The following RBFOX1 variants were observed in gnomAD, a reference collection of about 807,000 sequenced individuals.
The protein encoded by RBFOX1 is RNA binding protein fox-1 homolog 1.
A neutral mutation model predicts 57.7 loss-of-function variants in RBFOX1; 8 were observed. The observed-to-expected ratio is 0.14, with a 90% confidence interval of 0.08 to 0.25. RBFOX1 has a LOEUF of 0.25. RBFOX1 is among the 10% of genes least tolerant of loss of function. The probability of loss-of-function intolerance (pLI) is 1.00; values close to 1 mark genes in which losing one functional copy is unlikely to be tolerated. For missense variants in RBFOX1, 611 were observed against 548.5 expected (o/e 1.11, Z -1.14); for synonymous variants, 326 against 222.4 (o/e 1.47, Z -4.15).
downstream of RBFOX1, among the ~76,000 whole-genome samples, chr16:5,601,977 G>A (rs1020159678): frequency 6.6e-6 from 1 of 152,206 alleles, no homozygotes; most frequent in African/African-American, 2.4e-5. Flanking sequence ...ATGGTATCCT[G>A]CTGGTTTCTC....
chr16:6,746,698 G>A (rs893351037), intron 3 of RBFOX1, among the ~76,000 whole-genome samples: 7 of 151,782 alleles, frequency 4.6e-5, no homozygotes, highest in Admixed American at 1.3e-4. Flanking sequence ...AAAAAGTGTT[G>A]TCTTATTAAT....
intron 1 of RBFOX1, among the ~76,000 whole-genome samples, chr16:5,436,139 A>G (rs972473813): frequency 1.6e-4 from 24 of 152,282 alleles, no homozygotes; most frequent in African/African-American, 5.5e-4. Flanking sequence ...GCACAAGGAG[A>G]CACCCATTGC....
At chr16:6,782,564 A>G (rs868690837) in intron 3 of RBFOX1, among the ~76,000 whole-genome samples, 1 of 151,936 alleles carries the variant, frequency 6.6e-6, no homozygotes, top group Admixed American at 6.6e-5. Flanking sequence ...ATTGATTTCT[A>G]GTTTCATTCC....
intron 2 of RBFOX1, among the ~76,000 whole-genome samples, chr16:5,512,488 A>T (rs2043635023): frequency 6.6e-6 from 1 of 151,540 alleles, no homozygotes. Flanking sequence ...GAGGTGAGCT[A>T]TAGGGTGTTG....
At chr16:6,245,854 G>T (rs1169332937) in intron 1 of RBFOX1, among the ~76,000 whole-genome samples, 1 of 152,158 alleles carries the variant, frequency 6.6e-6, no homozygotes, top group Non-Finnish European at 1.5e-5. Context: ...GCCTTCATCA[G>T]GATCTCCGCT....
rs1452604481 is a variant in RBFOX1 at position 6,780,158 on chromosome 16, T to C, written c.-16+125508T>C. ...ATATATTTATATATATTTATATATA[T>C]ATTTATATATTTTTATATATTTATA... On this transcript the variant is annotated intron_variant, in intron 3 of 15. Coordinates refer to ENST00000550418, the MANE Select transcript of RBFOX1 (RefSeq NM_018723.4). Among the ~76,000 whole-genome samples the C allele has an allele frequency of 1.8e-3, 74 of 42,248 alleles. 5 individuals carry two copies. The highest frequency in any genetic ancestry group is 2.5e-3 in the Admixed American group (5 of 2,038). 27.7% of individuals were successfully genotyped at this position (42,248 alleles called of 152,430 possible).
chr16:7,590,847 G>T, intron 7 of RBFOX1, among the ~76,000 whole-genome samples: 1 of 140,580 alleles, frequency 7.1e-6, no homozygotes, highest in East Asian at 2.1e-4. Context: ...CAAGAAGAGG[G>T]AAGTTCTGTC....
intron 3 of RBFOX1, among the ~76,000 whole-genome samples, chr16:6,655,369 G>C (rs1281777441): frequency 8.0e-4 from 12 of 14,910 alleles, no homozygotes; most frequent in Non-Finnish European, 1.6e-3. Context: ...ATAAGCCTCC[G>C]TTTCAAAAAA....
intron 4 of RBFOX1, among the ~76,000 whole-genome samples, chr16:7,240,778 C>T (rs1396361263): frequency 6.6e-6 from 1 of 152,128 alleles, no homozygotes; most frequent in Admixed American, 6.5e-5. Flanking sequence ...CCATGTTGCC[C>T]AGGCTGGTCT....
intron 3 of RBFOX1, among the ~76,000 whole-genome samples, chr16:6,958,395 T>TC (rs542566154): frequency 1.3e-5 from 2 of 151,836 alleles, no homozygotes; most frequent in South Asian, 2.1e-4. Flanking sequence ...TCAGCATATT[T>TC]CCCCCCCTTT....
At chr16:6,776,649 C>A (rs1486116397) in intron 3 of RBFOX1, among the ~76,000 whole-genome samples, 1 of 152,050 alleles carries the variant, frequency 6.6e-6, no homozygotes, top group African/African-American at 2.4e-5. Context: ...GGTATGCCAT[C>A]TCTACATACC....
rs184365350 is a variant in RBFOX1 at position 7,391,377 on chromosome 16, T to C, written c.28-126770T>C. Reference sequence around the variant, plus strand: ...GTCCCAAGATCTCCAAGGATACCAATTATAGGGGTAGCTGGGTACCTGCCT... The same window carrying C: ...GTCCCAAGATCTCCAAGGATACCAACTATAGGGGTAGCTGGGTACCTGCCT... On this transcript the variant is annotated intron_variant, in intron 4 of 15. Transcript: ENST00000550418. Among the ~76,000 whole-genome samples, 763 of 152,296 alleles carry C rather than the reference T, an allele frequency of 5.0e-3. 4 individuals carry two copies. Among genetic ancestry groups the C allele is most frequent in the Non-Finnish European group, 7.8e-3 (531 of 68,028 alleles).
chr16:6,012,955 G>A (rs1484604950), intron 4 of RBFOX1, among the ~76,000 whole-genome samples: 1 of 152,196 alleles, frequency 6.6e-6, no homozygotes, highest in Non-Finnish European at 1.5e-5. Context: ...AGTTCCTGAA[G>A]CAGTCATTTA....
intron 2 of RBFOX1, among the ~76,000 whole-genome samples, chr16:6,538,294 A>G (rs1422872037): frequency 6.6e-6 from 1 of 152,174 alleles, no homozygotes; most frequent in Non-Finnish European, 1.5e-5. Context: ...GTTTTATACC[A>G]GCCTGGGCAG....
chr16:7,332,766 G>A (rs949749816), intron 4 of RBFOX1: 129 of 1,380,038 alleles, frequency 9.3e-5, no homozygotes, highest in Non-Finnish European at 1.1e-4. Flanking sequence ...CATTTTGGTA[G>A]CTTCAACTTT....
chr16:7,274,935 C>G (rs537275093), intron 4 of RBFOX1, among the ~76,000 whole-genome samples: 1 of 152,050 alleles, frequency 6.6e-6, no homozygotes, highest in Non-Finnish European at 1.5e-5. Context: ...CTGCCTGCCT[C>G]GGCCTCCCAA....
chr16:6,924,046 T>C (rs2075050971), intron 3 of RBFOX1, among the ~76,000 whole-genome samples: 1 of 151,844 alleles, frequency 6.6e-6, no homozygotes, highest in African/African-American at 2.4e-5. Context: ...GGTACGTACC[T>C]GTAGTCCCAG....
intron 4 of RBFOX1, among the ~76,000 whole-genome samples, chr16:7,274,944 A>G (rs940211770): frequency 6.6e-6 from 1 of 152,044 alleles, no homozygotes. Context: ...TCGGCCTCCC[A>G]AAGTGCTGGA....
chr16:6,365,962 C>T (rs1195079789), intron 2 of RBFOX1, among the ~76,000 whole-genome samples: 4 of 151,742 alleles, frequency 2.6e-5, no homozygotes, highest in Admixed American at 2.0e-4. Flanking sequence ...TTTTTACTTT[C>T]CCCTCCTTCT....
Sources: allele counts gnomAD v4.1 joint callset (sites outside exome capture counted in the v4.1 genomes callset), GRCh38; gene constraint gnomAD v4.1.1; transcripts MANE v1.5; gene names NCBI Gene and HGNC (gene_info 2026-07-23, HGNC 2026-07-21).